The following ACSBG2 variants were observed in gnomAD, a reference collection of about 807,000 sequenced individuals.
The protein encoded by ACSBG2 is long-chain-fatty-acid--CoA ligase ACSBG2.
In ACSBG2, 62 loss-of-function variants were observed where a neutral mutation model predicts 74.7. The observed-to-expected ratio is 0.83, with a 90% CI of 0.68 to 1.03. ACSBG2 has a LOEUF of 1.03. ACSBG2 is among the 50% of genes least tolerant of loss of function. The pLI is 0.00. For missense variants in ACSBG2, 730 were observed against 817.6 expected (o/e 0.89, Z 1.31); for synonymous variants, 309 against 294.1 (o/e 1.05, Z -0.52).
rs1418975051 is a variant in ACSBG2 at position 6,174,025 on chromosome 19, CT to C, written c.739-3203del. Among the ~76,000 whole-genome samples the C allele has an allele frequency of 6.6e-6, 1 of 151,706 alleles. No homozygotes were observed. The highest frequency in any genetic ancestry group is 2.4e-5 in the African/African-American group (1 of 41,210). On this transcript the variant is annotated intron_variant, in intron 7 of 14. Transcript: ENST00000588485. The surrounding 1 kb of genome is among the most constrained non-coding windows in gnomAD (Gnocchi z 4.2). ...AATCTCGACTCACTGCAACCTCTGC[CT>C]CCCAATTTCAAGCGATTCCCCCACC...
At position 6,182,810 on chromosome 19, in the gene ACSBG2, A is replaced by C. The variant is rs1344360687; in HGVS notation, c.966A>C (p.Gln322His). The C allele has an allele frequency of 3.1e-6, 5 of 1,614,064 alleles. No individual in the cohort carries two copies. Among genetic ancestry groups the C allele is most frequent in the Non-Finnish European group, 3.4e-6 (4 of 1,180,030 alleles). The part of the protein sequence containing the change: ...VKPTVFIGVP[Q>H]IWEKIHEMVK... ...CTACTGTCTTCATTGGAGTGCCTCA[A>C]ATTTGGGAGAAGATACATGAGATGG... The change falls in exon 9 of 15, where the codon CAA becomes CAC. Residue 322 changes from glutamine to histidine, a missense_variant. Coordinates refer to ENST00000588485, the MANE Select transcript of ACSBG2 (RefSeq NM_030924.5).
chr19:6,182,040 T>G (rs1357854531), intron 8 of ACSBG2, among the ~76,000 whole-genome samples: 1 of 152,266 alleles, frequency 6.6e-6, no homozygotes, highest in East Asian at 1.9e-4. Context: ...ATTTCAGATA[T>G]TCCTGCAGTT....
In ACSBG2 at chr19:6,165,984, T is replaced by A; in HGVS notation, c.707T>A (p.Ile236Lys). The A allele has an allele frequency of 6.2e-7, 1 of 1,614,134 alleles. No homozygotes were observed. The highest frequency in any genetic ancestry group is 8.5e-7 in the Non-Finnish European group (1 of 1,179,992). Residue 236 changes from isoleucine to lysine, a missense_variant, in exon 7 of 15, where the codon ATA (isoleucine) becomes AAA (lysine). Physicochemically the swap from Ile to Lys is moderately radical, Grantham distance 102. Coordinates refer to ENST00000588485, the MANE Select transcript of ACSBG2 (RefSeq NM_030924.5). ...VLIYTSGTTG[I>K]PKGVMLSHDN... is the part of the protein sequence containing the mutation. ...ATCTACACTTCAGGGACCACAGGCATACCCAAGGGAGTGATGCTCAGTCAT... is the reference window on the plus strand; with the variant it reads ...ATCTACACTTCAGGGACCACAGGCAAACCCAAGGGAGTGATGCTCAGTCAT...
chr19:6,183,047 A>G lies in ACSBG2; in HGVS notation c.1097A>G (p.Asn366Ser). 1 of 1,614,072 alleles carries G rather than the reference A, an allele frequency of 6.2e-7. No individual in the cohort carries two copies. The highest frequency in any genetic ancestry group is 8.5e-7 in the Non-Finnish European group (1 of 1,179,962). The change falls in exon 10 of 15, where the codon AAT (asparagine) becomes AGT (serine). Residue 366 changes from asparagine (N) to serine (S), a missense_variant. Physicochemically the swap from Asn to Ser is conservative, Grantham distance 46 (BLOSUM62 1). Transcript: ENST00000588485. Reference sequence around the variant, plus strand: ...GGCATTCTTATTCACAGGAAATATAATACTCCCGTGAGCTACCGCATGGCT... The same window carrying G: ...GGCATTCTTATTCACAGGAAATATAGTACTCCCGTGAGCTACCGCATGGCT... ...VNSKKMLGKYNTPVSYRMAKT... is the reference protein window; with the variant it reads ...VNSKKMLGKYSTPVSYRMAKT...
rs2090201042 is a variant in ACSBG2, at chr19:6,180,014, G to A, written c.906+2618G>A. The stretch of plus-strand genomic sequence containing the variant: ...GCTGCATTCCTTCTAGAGGCTCTTG[G>A]GGACCTTTTCCAGCTTCTAGAGGCC... On this transcript the variant is annotated intron_variant, in intron 8 of 14. Coordinates refer to ENST00000588485, the MANE Select transcript of ACSBG2 (RefSeq NM_030924.5). The surrounding 1 kb of genome is among the most constrained non-coding windows in gnomAD (Gnocchi z 4.3). Among the ~76,000 whole-genome samples, 1 of 151,986 alleles carries A rather than the reference G, an allele frequency of 6.6e-6. No homozygotes were observed. The highest frequency in any genetic ancestry group is 2.1e-4 in the South Asian group (1 of 4,818).
intron 7 of ACSBG2, 102 bp downstream of exon 7, chr19:6,166,117 G>T: frequency 6.9e-7 from 1 of 1,441,724 alleles, no homozygotes; most frequent in Non-Finnish European, 9.5e-7. Context: ...ACGCAGTGTG[G>T]CTCCTTCACC....
chr19:6,173,534 C>T (rs990709870), intron 7 of ACSBG2, among the ~76,000 whole-genome samples: 11 of 152,240 alleles, frequency 7.2e-5, no homozygotes, highest in Non-Finnish European at 1.2e-4. Context: ...AGAAGCACTC[C>T]CACCTATCCT....
chr19:6,182,636 TA>T, intron 8 of ACSBG2, 114 bp from the exon 9 acceptor site: 1 of 1,027,780 alleles, frequency 9.7e-7, no homozygotes, highest in Non-Finnish European at 1.4e-6. Flanking sequence ...GAGTCCTGCG[TA>T]ATCTGATCAG....
At chr19:6,181,870 T>C (rs1860690365) in intron 8 of ACSBG2, among the ~76,000 whole-genome samples, 1 of 123,038 alleles carries the variant, frequency 8.1e-6, no homozygotes. Flanking sequence ...TGAGCATAAA[T>C]TTAAGGTTTT....
chr19:6,164,434 CT>C (rs542313082), intron 6 of ACSBG2, among the ~76,000 whole-genome samples: 435 of 133,774 alleles, frequency 3.3e-3, no homozygotes, highest in Middle Eastern at 3.9e-3. Flanking sequence ...TTTGAGGGGC[CT>C]TTTTTTTTTT....
intron 6 of ACSBG2, 104 bp from the exon 7 acceptor site, chr19:6,165,762 C>T: frequency 1.4e-6 from 2 of 1,406,654 alleles, no homozygotes; most frequent in Non-Finnish European, 2.0e-6. Flanking sequence ...GCCCTTCCAC[C>T]TGCTGAGGAT....
At chr19:6,190,336 C>G in intron 13 of ACSBG2, 1 of 468,852 alleles carries the variant, frequency 2.1e-6, no homozygotes, top group Non-Finnish European at 4.0e-6. Context: ...GGTGCACAGT[C>G]CACATCAGGC....
At chr19:6,153,224 C>G (rs375575227) in intron 4 of ACSBG2, among the ~76,000 whole-genome samples, 1 of 151,992 alleles carries the variant, frequency 6.6e-6, no homozygotes, top group Non-Finnish European at 1.5e-5. Flanking sequence ...CCAGCCTGGG[C>G]GACAGAGCGA....
chr19:6,136,565 G>A (rs140023510), intron 1 of ACSBG2, among the ~76,000 whole-genome samples: 138 of 151,172 alleles, frequency 9.1e-4, no homozygotes, highest in African/African-American at 3.3e-3. Flanking sequence ...GTTTCACCAT[G>A]CCAGCCAGGC....
chr19:6,176,646 CT>C (rs2090096159), intron 7 of ACSBG2, among the ~76,000 whole-genome samples: 1 of 151,856 alleles, frequency 6.6e-6, no homozygotes, highest in Admixed American at 6.6e-5. Flanking sequence ...ACTTCATCCT[CT>C]TGGGCAGCCC....
intron 7 of ACSBG2, among the ~76,000 whole-genome samples, chr19:6,170,435 TA>T (rs887993375): frequency 8.5e-5 from 13 of 152,202 alleles, no homozygotes; most frequent in African/African-American, 3.1e-4. Flanking sequence ...AAAGCCCACT[TA>T]AAAAGTATCT....
At chr19:6,141,903 A>AT (rs1252702811) in intron 2 of ACSBG2, among the ~76,000 whole-genome samples, 1 of 151,620 alleles carries the variant, frequency 6.6e-6, no homozygotes, top group African/African-American at 2.4e-5. Flanking sequence ...CCAGCTCTGT[A>AT]TTTTTTTTGT....
intron 2 of ACSBG2, among the ~76,000 whole-genome samples, chr19:6,143,250 G>GAA (rs1415852203): frequency 6.6e-6 from 1 of 151,890 alleles, no homozygotes; most frequent in Non-Finnish European, 1.5e-5. Flanking sequence ...GTGGGTGTCT[G>GAA]AAACAGCAGA....
intron 8 of ACSBG2, among the ~76,000 whole-genome samples, chr19:6,181,292 G>A (rs1454478973): frequency 7.1e-6 from 1 of 140,484 alleles, no homozygotes; most frequent in Non-Finnish European, 1.5e-5. Flanking sequence ...GAGGGGAGGG[G>A]AGGGGAGAAA....
Sources: gnomAD v4.1 joint callset for allele counts (sites outside exome capture counted in the v4.1 genomes callset) on GRCh38, gnomAD v4.1.1 for gene constraint, Gnocchi (gnomAD v3.1) non-coding constraint, MANE v1.5 for transcripts, NCBI Gene and HGNC (gene_info 2026-07-23, HGNC 2026-07-21) for gene names.